The following SORCS1 variants were observed in gnomAD, a reference collection of about 807,000 sequenced individuals.
SORCS1 encodes VPS10 domain-containing receptor SorCS1.
In SORCS1, 60 loss-of-function variants were observed where a neutral mutation model predicts 146.1. That is an observed-to-expected ratio of 0.41 (90% confidence interval 0.33 to 0.51). The LOEUF (loss-of-function observed/expected upper bound fraction) is 0.51. Among genes scored for constraint, SORCS1 ranks in the 20% least tolerant of loss-of-function variants. The pLI is 0.21. For synonymous variants in SORCS1, 637 were observed against 584.0 expected (o/e 1.09, Z -1.31); for missense variants, 1,352 against 1,487.6 (o/e 0.91, Z 1.50).
intron 2 of SORCS1, among the ~76,000 whole-genome samples, chr10:106,920,823 A>G (rs1952675697): frequency 1.3e-5 from 2 of 152,088 alleles, no homozygotes; most frequent in Admixed American, 1.3e-4. Context: ...GGATGGGTGC[A>G]TCTCCAGTCC....
chr10:106,891,246 G>T (rs1220191108), intron 2 of SORCS1, among the ~76,000 whole-genome samples: 1 of 152,168 alleles, frequency 6.6e-6, no homozygotes, highest in South Asian at 2.1e-4. Flanking sequence ...GTCTGGAGGG[G>T]ATAGGAAGCT....
At chr10:106,999,815 T>C (rs1383149355) in intron 1 of SORCS1, among the ~76,000 whole-genome samples, 1 of 152,106 alleles carries the variant, frequency 6.6e-6, no homozygotes, top group Admixed American at 6.5e-5. Context: ...ATTTCTGAAG[T>C]GTAACAGGAT....
At chr10:106,650,211 A>T (rs1044789055) in intron 18 of SORCS1, among the ~76,000 whole-genome samples, 1 of 152,226 alleles carries the variant, frequency 6.6e-6, no homozygotes, top group Non-Finnish European at 1.5e-5. Context: ...GGTTTCTAAC[A>T]ATCATTTTAG....
At chr10:106,847,835 G>A (rs149081635) in intron 2 of SORCS1, among the ~76,000 whole-genome samples, 1,562 of 145,016 alleles carry the variant, frequency 0.011, 119 homozygotes, top group African/African-American at 0.036. Context: ...TCTTCATTTC[G>A]TTATGTACCC....
the SORCS1 span, among the ~76,000 whole-genome samples, chr10:107,173,483 T>C: frequency 6.6e-6 from 1 of 152,116 alleles, no homozygotes; most frequent in African/African-American, 2.4e-5. Flanking sequence ...TATATATACA[T>C]TAAAACATCA....
chr10:106,587,907 AC>A (rs1459959815), intron 24 of SORCS1, among the ~76,000 whole-genome samples: 10 of 152,052 alleles, frequency 6.6e-5, no homozygotes, highest in African/African-American at 2.2e-4. Flanking sequence ...ATAAATATTA[AC>A]CCTTTACCAT....
intron 3 of SORCS1, among the ~76,000 whole-genome samples, chr10:106,781,932 T>G (rs767836649): frequency 1.4e-5 from 2 of 147,850 alleles, no homozygotes. Flanking sequence ...CACACACTGA[T>G]AGAAATGAGT....
intron 16 of SORCS1, among the ~76,000 whole-genome samples, chr10:106,670,756 C>A (rs917186688): frequency 2.0e-5 from 3 of 150,124 alleles, no homozygotes; most frequent in African/African-American, 4.9e-5. Flanking sequence ...TGCAGTGGCG[C>A]GATCGTGGCT....
At position 106,926,644 on chromosome 10, in the gene SORCS1, C is replaced by T. The variant is rs1273036572; in HGVS notation, c.626+29869G>A. Among the ~76,000 whole-genome samples the T allele has an allele frequency of 2.6e-5, 4 of 152,082 alleles. No individual in the cohort carries two copies. In the East Asian group the frequency reaches 7.7e-4, roughly 29 times the overall value. On this transcript the variant is annotated intron_variant, in intron 2 of 25. Transcript: ENST00000263054. ...TCGTTAAAACTAACAAGACAGTAAACAAACTAGAGTATAAAGTCTCATCCA... is the reference window on the plus strand; with the variant it reads ...TCGTTAAAACTAACAAGACAGTAAATAAACTAGAGTATAAAGTCTCATCCA...
chr10:106,954,808 G>T (rs822085), intron 2 of SORCS1, among the ~76,000 whole-genome samples: 147 of 152,164 alleles, frequency 9.7e-4, no homozygotes, highest in African/African-American at 3.5e-3. Flanking sequence ...CCTGCCCTCA[G>T]CCACACGTTG....
chr10:107,004,969 C>A (rs1303512407), intron 1 of SORCS1, among the ~76,000 whole-genome samples: 3 of 152,100 alleles, frequency 2.0e-5, no homozygotes, highest in Non-Finnish European at 2.9e-5. Context: ...ATTAAACTTT[C>A]TCCAGTTGCC....
At chr10:107,119,801 C>G (rs1393203154) in intron 1 of SORCS1, among the ~76,000 whole-genome samples, 1 of 151,974 alleles carries the variant, frequency 6.6e-6, no homozygotes, top group Non-Finnish European at 1.5e-5. Flanking sequence ...GTAGATAGGT[C>G]ACAAGTTAAG....
chr10:107,148,182 T>A (rs1968493567), intron 1 of SORCS1, among the ~76,000 whole-genome samples: 1 of 152,164 alleles, frequency 6.6e-6, no homozygotes, highest in South Asian at 2.1e-4. Context: ...CACTCTCAAG[T>A]TGGCATGCAG....
At chr10:106,843,902 C>A (rs1949182697) in intron 2 of SORCS1, among the ~76,000 whole-genome samples, 1 of 152,098 alleles carries the variant, frequency 6.6e-6, no homozygotes, top group African/African-American at 2.4e-5. Context: ...ATTTTATTTC[C>A]TTTGGATATG....
chr10:106,788,522 G>T (rs1371939304), intron 3 of SORCS1, among the ~76,000 whole-genome samples: 1 of 152,208 alleles, frequency 6.6e-6, no homozygotes. Flanking sequence ...CCAAATGGGA[G>T]AAATTGGCCA....
In SORCS1 at chr10:106,795,162, A is replaced by G. The variant is rs138538319; in HGVS notation, c.727-18470T>C. 8.4e-3 allele frequency among the ~76,000 whole-genome samples: 1,283 copies of G among 152,354 alleles called. 20 individuals carry two copies. The highest frequency in any genetic ancestry group is 0.028 in the African/African-American group (1,185 of 41,580). ...CAATAGTCATGTAAATTTGGGGGAT[A>G]CCAGAATGCAGAAAATAAAACAGGT... On this transcript the variant is annotated intron_variant, in intron 3 of 25. Coordinates refer to ENST00000263054, the MANE Select transcript of SORCS1 (RefSeq NM_052918.5).
At chr10:106,939,661 C>T (rs1953930503) in intron 2 of SORCS1, among the ~76,000 whole-genome samples, 1 of 152,132 alleles carries the variant, frequency 6.6e-6, no homozygotes, top group Non-Finnish European at 1.5e-5. Context: ...TACATCCCAG[C>T]AGGAGAAAGA....
chr10:106,834,550 G>GAA (rs1253906360), intron 2 of SORCS1, among the ~76,000 whole-genome samples: 6 of 148,040 alleles, frequency 4.1e-5, no homozygotes, highest in African/African-American at 1.5e-4. Context: ...CAAAGACAAA[G>GAA]AAAAAAAAAG....
At chr10:106,877,950 T>C (rs1950654338) in intron 2 of SORCS1, among the ~76,000 whole-genome samples, 1 of 152,176 alleles carries the variant, frequency 6.6e-6, no homozygotes, top group South Asian at 2.1e-4. Flanking sequence ...TGTCAGTTTG[T>C]CTGACTCCAA....
Sources: allele counts gnomAD v4.1 joint callset (sites outside exome capture counted in the v4.1 genomes callset), GRCh38; gene constraint gnomAD v4.1.1; transcripts MANE v1.5; gene names NCBI Gene and HGNC (gene_info 2026-07-23, HGNC 2026-07-21).